The following HOXA3 variants were observed in gnomAD, a reference collection of about 807,000 sequenced individuals.
HOXA3 encodes the protein homeobox A3.
Under a neutral mutation model 30.3 loss-of-function variants are expected in HOXA3, and 8 were observed. The ratio of observed to expected loss-of-function variants is 0.26; its 90% CI spans 0.15 to 0.48. HOXA3 has a LOEUF of 0.48. Among genes scored for constraint, HOXA3 ranks in the 20% least tolerant of loss-of-function variants. The probability of loss-of-function intolerance (pLI) is 0.99; values close to 1 mark genes in which losing one functional copy is unlikely to be tolerated. For synonymous variants in HOXA3, 323 were observed against 273.1 expected, an observed-to-expected ratio of 1.18 and a Z score of -1.80; for missense variants, 653 against 614.4, an observed-to-expected ratio of 1.06 and a Z score of -0.66.
At chr7:27,121,220 CGTGT>C (rs142198002) in intron 4 of HOXA3, 3,973 of 137,890 alleles carry the variant, frequency 0.029, 48 homozygotes, top group Non-Finnish European at 0.033. Flanking sequence ...CCACTGTGTG[CGTGT>C]GTGTGTGTGT....
Position 27,108,302 on chromosome 7 carries a change from G to T in HOXA3, c.945C>A (p.Ser315=). The T allele has an allele frequency of 6.6e-7, 1 of 1,524,830 alleles. No individual in the cohort carries two copies. The highest frequency in any genetic ancestry group is 8.8e-7 in the Non-Finnish European group (1 of 1,135,974). 94.5% of individuals were successfully genotyped at this position (1,524,830 alleles called of 1,614,324 possible). A position where few individuals can be genotyped will look rare whatever the true frequency, so the allele number is the denominator to read the frequency against. The change falls in exon 6 of 6, where the codon TCC becomes TCA. Residue 315 remains serine (S), a synonymous_variant. Transcript: ENST00000612286. The surrounding 1 kb of genome is among the most constrained non-coding windows in gnomAD (Gnocchi z 5.0). The part of the protein sequence containing the change: ...YGLPPASYPA[S]LPSCAPPPPP... Reference sequence around the variant, plus strand: ...GTGGCGGGGGTGCGCAGCTGGGCAGGGACGCAGGGTAGGAGGCGGGGGGCA... The same window carrying T: ...GTGGCGGGGGTGCGCAGCTGGGCAGTGACGCAGGGTAGGAGGCGGGGGGCA...
chr7:27,138,218 C>A (rs1785772126), intron 2 of HOXA3, among the ~76,000 whole-genome samples: 1 of 152,196 alleles, frequency 6.6e-6, no homozygotes, highest in Non-Finnish European at 1.5e-5. Context: ...AGGTTACACA[C>A]AATGACTTCA....
At chr7:27,115,604 G>C (rs565423527) in intron 4 of HOXA3, 1 of 152,402 alleles carries the variant, frequency 6.6e-6, no homozygotes, top group African/African-American at 2.4e-5. Context: ...GATTCTCTGG[G>C]CCAAGGGGAC....
chr7:27,110,181 G>T lies in HOXA3; in HGVS notation c.460C>A (p.Gln154Lys), dbSNP rs753798091. ...PLLNSPTVAK[Q>K]IFPWMKESRQ... ...GACTCTTTCATCCAGGGGAAGATTT[G>T]TTTGGCCACTGTGGGTGAGTTGAGC... Residue 154 changes from glutamine to lysine, a missense_variant, in exon 5 of 6, where the codon CAA becomes AAA. By Grantham distance (53) the Gln-to-Lys change is moderately conservative. Around this residue, in one of 3 missense-constraint regions of HOXA3, gnomAD observed 320 missense variants for 321.9 expected, o/e 0.99. Transcript: ENST00000612286. 6.8e-6 allele frequency: 11 copies of T among 1,614,166 alleles called. No individual in the cohort carries two copies. The highest frequency in any genetic ancestry group is 6.7e-5 in the East Asian group (3 of 44,870).
At chr7:27,137,405 G>A (rs914989868) in intron 2 of HOXA3, among the ~76,000 whole-genome samples, 6 of 152,148 alleles carry the variant, frequency 3.9e-5, no homozygotes, top group Non-Finnish European at 8.8e-5. Context: ...ACGAGCCCCC[G>A]CACATTGCCG....
chr7:27,132,851 T>C (rs1785603004), intron 2 of HOXA3, among the ~76,000 whole-genome samples: 1 of 152,236 alleles, frequency 6.6e-6, no homozygotes, highest in Non-Finnish European at 1.5e-5. Flanking sequence ...CAAGGAAATC[T>C]TCCCTCCTTC....
At chr7:27,150,326 G>C (rs752125062) in intron 1 of HOXA3, 6 of 152,348 alleles carry the variant, frequency 3.9e-5, no homozygotes, top group Non-Finnish European at 8.8e-5. Context: ...TTCTCTCCAA[G>C]GGGGGCAGGA....
intron 1 of HOXA3, chr7:27,147,752 G>A (rs752270376): frequency 6.2e-7 from 1 of 1,603,268 alleles, no homozygotes. Context: ...GAACTCATTT[G>A]CGCGCCCCTC....
chr7:27,147,928 G>A (rs1224753132), intron 1 of HOXA3, among the ~76,000 whole-genome samples: 2 of 152,256 alleles, frequency 1.3e-5, no homozygotes, highest in East Asian at 3.8e-4. Flanking sequence ...CGCTCCCCGG[G>A]GACCGCGGCG....
At chr7:27,125,242 G>A (rs1288742496) in intron 3 of HOXA3, among the ~76,000 whole-genome samples, 1 of 152,220 alleles carries the variant, frequency 6.6e-6, no homozygotes, top group Non-Finnish European at 1.5e-5. Flanking sequence ...ACGGTGGAGG[G>A]AGGATCATTC....
chr7:27,131,113 C>A (rs1222664090), intron 2 of HOXA3, among the ~76,000 whole-genome samples: 1 of 152,160 alleles, frequency 6.6e-6, no homozygotes, highest in Non-Finnish European at 1.5e-5. Flanking sequence ...GGAATTCAGG[C>A]CCTGTCAGGC....
chr7:27,108,769 C>A lies in HOXA3; in HGVS notation c.527-49G>T. 1 of 1,427,550 alleles carries A rather than the reference C, an allele frequency of 7.0e-7. No individual in the cohort carries two copies. Among genetic ancestry groups the A allele is most frequent in the South Asian group, 1.3e-5 (1 of 75,298 alleles). 88.4% of individuals were successfully genotyped at this position (1,427,550 alleles called of 1,614,324 possible). On this transcript the variant is annotated intron_variant, in intron 5 of 5. Coordinates refer to ENST00000612286, the MANE Select transcript of HOXA3 (RefSeq NM_153631.3). The surrounding 1 kb of genome is among the most constrained non-coding windows in gnomAD (Gnocchi z 5.0). Reference sequence around the variant, plus strand: ...GCGGCGTCAGGGGCTGCCGCGGCCCCGCCCAGCCCCTGACCCAGCCCGGCC... The same window carrying A: ...GCGGCGTCAGGGGCTGCCGCGGCCCAGCCCAGCCCCTGACCCAGCCCGGCC...
intron 2 of HOXA3, 120 bp downstream of exon 2, chr7:27,139,963 T>G (rs1782490222): frequency 6.7e-6 from 1 of 149,698 alleles, no homozygotes; most frequent in African/African-American, 2.5e-5. Flanking sequence ...AAGTTTGCTC[T>G]GCCTTTTCGA....
chr7:27,122,988 G>C (rs1269251597), intron 3 of HOXA3: 1 of 152,244 alleles, frequency 6.6e-6, no homozygotes, highest in Non-Finnish European at 1.5e-5. Context: ...TTTGCTGGTG[G>C]TGTGGGCTGC....
chr7:27,130,187 T>C, intron 2 of HOXA3: 22 of 1,586,014 alleles, frequency 1.4e-5, no homozygotes, highest in Non-Finnish European at 1.8e-5. Context: ...CCCAGCGGGC[T>C]CTTGTCGGCC....
intron 2 of HOXA3, among the ~76,000 whole-genome samples, chr7:27,135,148 CCTT>C: frequency 6.6e-6 from 1 of 151,968 alleles, no homozygotes; most frequent in African/African-American, 2.4e-5. Context: ...GCTCTCCCAC[CCTT>C]CTTCTTAGGT....
chr7:27,130,374 C>G (rs1374255975), intron 2 of HOXA3: 21 of 1,144,564 alleles, frequency 1.8e-5, no homozygotes, highest in Non-Finnish European at 1.9e-5. Flanking sequence ...TGGCTTGCGC[C>G]GGGGGCTGCT....
Position 27,108,711 on chromosome 7 carries a change from C to T in HOXA3, c.536G>A (p.Cys179Tyr). 6.3e-7 allele frequency: 1 copy of T among 1,598,324 alleles called. No homozygotes were observed. The highest frequency in any genetic ancestry group is 1.1e-5 in the South Asian group (1 of 90,078). ...KTSSSSSGES[C>Y]AGDKSPPGQA... Reference sequence around the variant, plus strand: ...CCCCGGCGGGCTCTTGTCGCCAGCGCAGCTTTCGCCTGCGAGGACAGAGAG... The same window carrying T: ...CCCCGGCGGGCTCTTGTCGCCAGCGTAGCTTTCGCCTGCGAGGACAGAGAG... The change falls in exon 6 of 6, where the codon TGC becomes TAC. Residue 179 changes from cysteine to tyrosine, a missense_variant. Physicochemically the swap from Cys to Tyr is radical, Grantham distance 194 (BLOSUM62 -2). Around this residue, in one of 3 missense-constraint regions of HOXA3, gnomAD observed 320 missense variants for 321.9 expected, o/e 0.99. Transcript: ENST00000612286. The surrounding 1 kb of genome is among the most constrained non-coding windows in gnomAD (Gnocchi z 5.0).
chr7:27,111,646 C>T (rs539686726), intron 4 of HOXA3, among the ~76,000 whole-genome samples: 1 of 152,158 alleles, frequency 6.6e-6, no homozygotes, highest in South Asian at 2.1e-4. Flanking sequence ...TTACTTCTTT[C>T]CCCCAGTTAC....
Sources: gnomAD v4.1 joint callset for allele counts (sites outside exome capture counted in the v4.1 genomes callset) on GRCh38, gnomAD v4.1.1 for gene constraint, gnomAD v4.1.1 regional missense constraint, Gnocchi (gnomAD v3.1) non-coding constraint, MANE v1.5 for transcripts, NCBI Gene and HGNC (gene_info 2026-07-23, HGNC 2026-07-21) for gene names.